The following HTR4 variants were observed in gnomAD, a reference collection of about 807,000 sequenced individuals.
HTR4 encodes 5-hydroxytryptamine (serotonin) receptor 4, G protein-coupled.
A neutral mutation model predicts 36.8 loss-of-function variants in HTR4; 16 were observed. That is an observed-to-expected ratio of 0.43 (90% CI 0.29 to 0.66). The LOEUF (loss-of-function observed/expected upper bound fraction) is 0.66, where lower values mean the gene tolerates loss of function less well. HTR4 is among the 30% of genes least tolerant of loss of function. HTR4 has a pLI of 0.13. For missense variants in HTR4, 438 were observed against 490.9 expected, an observed-to-expected ratio of 0.89 and a Z score of 1.02; for synonymous variants, 189 against 185.1, an observed-to-expected ratio of 1.02 and a Z score of -0.17.
At chr5:148,514,457 A>T (rs1757638942) in intron 5 of HTR4, among the ~76,000 whole-genome samples, 1 of 152,052 alleles carries the variant, frequency 6.6e-6, no homozygotes, top group African/African-American at 2.4e-5. Flanking sequence ...CCTGTGACAC[A>T]CTAGTATTTT....
Position 148,481,908 on chromosome 5 carries a change from C to A in HTR4, c.*1295G>T. On this transcript the variant is annotated 3_prime_UTR_variant, in exon 7 of 7. Coordinates refer to ENST00000377888, the MANE Select transcript of HTR4 (RefSeq NM_000870.7). ...AAAGGCCCAAATGAGGAGGGTCGTT[C>A]CTTTGAAACAAAGCCAAAAGGCAGG... 2 of 1,136,666 alleles carry A rather than the reference C, an allele frequency of 1.8e-6. No homozygotes were observed. The highest frequency in any genetic ancestry group is 1.1e-6 in the Non-Finnish European group (1 of 928,650). The allele number at this position is 1,136,666 out of a possible 1,614,324, so 70.4% of individuals were successfully genotyped here.
chr5:148,483,373 G>A (rs1382150378), intron 6 of HTR4, 80 bp from the exon 7 acceptor site: 6 of 1,266,082 alleles, frequency 4.7e-6, no homozygotes, highest in East Asian at 2.5e-5. Flanking sequence ...CCACCTGCAT[G>A]GCAGGAACAC....
At chr5:148,597,199 T>C (rs1310704349) in intron 2 of HTR4, among the ~76,000 whole-genome samples, 3 of 152,224 alleles carry the variant, frequency 2.0e-5, no homozygotes, top group East Asian at 3.8e-4. Flanking sequence ...GTATTGGTTA[T>C]TATTCATGGC....
intron 4 of HTR4, among the ~76,000 whole-genome samples, chr5:148,547,834 C>A (rs1759467495): frequency 1.3e-5 from 2 of 152,134 alleles, no homozygotes; most frequent in Non-Finnish European, 2.9e-5. Context: ...AGTAAGAAAT[C>A]ATTGTCCCTG....
At chr5:148,628,784 A>G (rs1258366350) in intron 2 of HTR4, 1 of 152,224 alleles carries the variant, frequency 6.6e-6, no homozygotes, top group African/African-American at 2.4e-5. Flanking sequence ...GCTCCAAATT[A>G]TAGAAAGGAG....
chr5:148,498,829 G>T (rs115438118), intron 6 of HTR4, among the ~76,000 whole-genome samples: 3 of 152,112 alleles, frequency 2.0e-5, no homozygotes, highest in Non-Finnish European at 4.4e-5. Context: ...AAGTCAACAG[G>T]TGGTTAATAA....
At chr5:148,569,671 G>A (rs1416723607) in intron 2 of HTR4, among the ~76,000 whole-genome samples, 1 of 151,522 alleles carries the variant, frequency 6.6e-6, no homozygotes, top group African/African-American at 2.4e-5. Flanking sequence ...AACATGAGTA[G>A]ATTAAAAAAT....
At chr5:148,503,965 C>G (rs1757058240) in intron 6 of HTR4, among the ~76,000 whole-genome samples, 1 of 152,104 alleles carries the variant, frequency 6.6e-6, no homozygotes, top group Non-Finnish European at 1.5e-5. Context: ...AGATATGCAC[C>G]CAATACAGGC....
rs779077579 is a variant in HTR4, at chr5:148,590,287, C to CTTTTTTTTTTT, written c.27-40036_27-40026dup. 9.4e-3 allele frequency among the ~76,000 whole-genome samples: 314 copies of CTTTTTTTTTTT among 33,356 alleles called. 2 individuals carry two copies. Among genetic ancestry groups the CTTTTTTTTTTT allele is most frequent in the Non-Finnish European group, 0.012 (220 of 18,814 alleles). 21.9% of individuals were successfully genotyped at this position (33,356 alleles called of 152,430 possible). On this transcript the variant is annotated intron_variant, in intron 2 of 6. Coordinates refer to ENST00000377888, the MANE Select transcript of HTR4 (RefSeq NM_000870.7). ...GTATTATTATTTTCTTTTTTCTTTTCTTTTTTTTTTTTTTTTTTTTTTTTT... is the reference window on the plus strand; with the variant it reads ...GTATTATTATTTTCTTTTTTCTTTTCTTTTTTTTTTTTTTTTTTTTTTTTTTTTTTTTTTTT...
At chr5:148,588,617 T>C (rs1294655683) in intron 2 of HTR4, among the ~76,000 whole-genome samples, 1 of 144,224 alleles carries the variant, frequency 6.9e-6, no homozygotes, top group Non-Finnish European at 1.5e-5. Flanking sequence ...CTCGGCTCAC[T>C]GCAAGCTCCG....
At chr5:148,648,225 A>G (rs923747359) in intron 1 of HTR4, among the ~76,000 whole-genome samples, 3 of 152,204 alleles carry the variant, frequency 2.0e-5, no homozygotes, top group Non-Finnish European at 4.4e-5. Context: ...GTTAAATGAG[A>G]CACAGAGCTC....
At chr5:148,458,798 A>T (rs1390319382) in intron 5 of HTR4, among the ~76,000 whole-genome samples, 1 of 152,208 alleles carries the variant, frequency 6.6e-6, no homozygotes, top group East Asian at 1.9e-4. Flanking sequence ...TCCTCGTCCT[A>T]AAAGCAATAG....
intron 5 of HTR4, among the ~76,000 whole-genome samples, chr5:148,458,004 A>AT (rs1406908092): frequency 2.2e-5 from 3 of 138,300 alleles, no homozygotes; most frequent in African/African-American, 8.0e-5. Context: ...ATATCTTAAG[A>AT]TATATTAAAT....
At chr5:148,641,153 C>A (rs1753717515) in intron 1 of HTR4, among the ~76,000 whole-genome samples, 1 of 152,152 alleles carries the variant, frequency 6.6e-6, no homozygotes, top group South Asian at 2.1e-4. Flanking sequence ...TGGAAGGAAC[C>A]AGTGCTTTTA....
Position 148,482,594 on chromosome 5 carries a change from G to GGACT in HTR4, c.*605_*608dup, listed in dbSNP as rs1755941372. On this transcript the variant is annotated 3_prime_UTR_variant, in exon 7 of 7. Coordinates refer to ENST00000377888, the MANE Select transcript of HTR4 (RefSeq NM_000870.7). ...ATAAGGAAGAGCAAGTGGACGTCTG[G>GGACT]GACTGACAAGGGGGCCAACCAAGAG... 2.0e-6 allele frequency: 2 copies of GGACT among 987,138 alleles called. No homozygotes were observed. Among genetic ancestry groups the GGACT allele is most frequent in the African/African-American group, 3.5e-5 (2 of 57,230 alleles). 61.1% of individuals were successfully genotyped at this position (987,138 alleles called of 1,614,324 possible). A position where few individuals can be genotyped will look rare whatever the true frequency, so the allele number is the denominator to read the frequency against.
At chr5:148,458,263 T>G (rs1431688454) in intron 5 of HTR4, among the ~76,000 whole-genome samples, 1 of 151,520 alleles carries the variant, frequency 6.6e-6, no homozygotes, top group Non-Finnish European at 1.5e-5. Context: ...GCCAGAGCTC[T>G]GTTAGCTGGA....
intron 1 of HTR4, among the ~76,000 whole-genome samples, chr5:148,651,917 C>A (rs1042741524): frequency 1.3e-5 from 2 of 152,094 alleles, no homozygotes; most frequent in East Asian, 3.9e-4. Flanking sequence ...ATTGAAAGAA[C>A]CCTTGGAAAT....
intron 5 of HTR4, among the ~76,000 whole-genome samples, chr5:148,511,647 G>GTGTGTGTGTGTGTA (rs1474211422): frequency 2.0e-5 from 3 of 151,872 alleles, no homozygotes; most frequent in African/African-American, 7.2e-5. Context: ...GTGTGTGTGT[G>GTGTGTGTGTGTGTA]TGTGTGTGTG....
intron 2 of HTR4, among the ~76,000 whole-genome samples, chr5:148,563,262 C>A (rs1760295382): frequency 6.6e-6 from 1 of 152,300 alleles, no homozygotes; most frequent in South Asian, 2.1e-4. Context: ...ATCCACCTCT[C>A]ACCTGATGCT....
Sources: allele counts gnomAD v4.1 joint callset (sites outside exome capture counted in the v4.1 genomes callset), GRCh38; gene constraint gnomAD v4.1.1; transcripts MANE v1.5; gene names NCBI Gene and HGNC (gene_info 2026-07-23, HGNC 2026-07-21).